Variants in NDUFB10 observed in about 807,000 individuals in gnomAD.
The protein encoded by NDUFB10 is NADH:ubiquinone oxidoreductase subunit B10, also known as NADH dehydrogenase [ubiquinone] 1 beta subcomplex subunit 10.
In NDUFB10, 23 loss-of-function variants were observed where a neutral mutation model predicts 19.0. The observed-to-expected ratio is 1.21, with a 90% CI of 0.87 to 1.71. The LOEUF (loss-of-function observed/expected upper bound fraction) is 1.71. NDUFB10 is among the 40% of genes most tolerant of loss of function. NDUFB10 has a pLI of 0.00. For synonymous variants in NDUFB10, 104 were observed against 81.8 expected (o/e 1.27, Z -1.46); for missense variants, 312 against 230.6 (o/e 1.35, Z -2.29).
At chr16:1,960,443 G>A (rs958624713) in intron 1 of NDUFB10, among the ~76,000 whole-genome samples, 3 of 152,240 alleles carry the variant, frequency 2.0e-5, no homozygotes, top group East Asian at 3.9e-4. Context: ...GGCTGGTCTC[G>A]AACTCCTGAC....
Position 1,961,586 on chromosome 16 carries a change from T to A in NDUFB10, c.359T>A (p.Ile120Asn), listed in dbSNP as rs531834533. Reference protein sequence around the residue: ...REGQNYQQNCIKEVEQFTQVA... With the variant: ...REGQNYQQNCNKEVEQFTQVA... ...GGACAGAACTACCAGCAGAACTGTA[T>A]CAAGGAAGTGGAGCAGTTCACCCAG... Residue 120 changes from isoleucine (I) to asparagine (N), a missense_variant, in exon 3 of 4, where the codon ATC becomes AAC. Physicochemically the swap from Ile to Asn is moderately radical, Grantham distance 149 (BLOSUM62 -3). Coordinates refer to ENST00000268668, the MANE Select transcript of NDUFB10 (RefSeq NM_004548.3). 6.2e-6 allele frequency: 10 copies of A among 1,613,922 alleles called. No homozygotes were observed. Among genetic ancestry groups the A allele is most frequent in the Non-Finnish European group, 8.5e-6 (10 of 1,180,024 alleles).
Position 1,961,629 on chromosome 16 carries a change from G to A in NDUFB10, c.402G>A (p.Gln134=), listed in dbSNP as rs747141320. The change falls in exon 3 of 4, where the codon CAG becomes CAA. Residue 134 remains glutamine, a synonymous_variant. Coordinates refer to ENST00000268668, the MANE Select transcript of NDUFB10 (RefSeq NM_004548.3). ...EQFTQVAKAY[Q]DRYQDLGAYS... ...TCACCCAGGTGGCCAAGGCCTACCA[G>A]GACCGCTGTGCGTGCCCCACCCACC... 11 of 1,611,806 alleles carry A rather than the reference G, an allele frequency of 6.8e-6. No individual in the cohort carries two copies. Among genetic ancestry groups the A allele is most frequent in the Non-Finnish European group, 9.3e-6 (11 of 1,179,624 alleles).
At position 1,961,827 on chromosome 16, in the gene NDUFB10, G is replaced by C. The variant is rs756074623; in HGVS notation, c.440G>C (p.Arg147Thr). 1 of 1,560,806 alleles carries C rather than the reference G, an allele frequency of 6.4e-7. No homozygotes were observed. Among genetic ancestry groups the C allele is most frequent in the Non-Finnish European group, 8.7e-7 (1 of 1,151,824 alleles). The stretch of plus-strand genomic sequence containing the variant: ...GACCTGGGGGCCTACAGTTCTGCCA[G>C]GAAGTGCCTGGCCAAACAGAGGCAG... ...YQDLGAYSSARKCLAKQRQRM... is the reference protein window; with the variant it reads ...YQDLGAYSSATKCLAKQRQRM... The change falls in exon 4 of 4, where the codon AGG (arginine) becomes ACG (threonine). Residue 147 changes from arginine (R) to threonine (T), a missense_variant. By Grantham distance (71) the Arg-to-Thr change is moderately conservative. Transcript: ENST00000268668.
At chr16:1,961,441 G>A (rs1164723490) in intron 2 of NDUFB10, 56 bp from the exon 3 acceptor site, 1 of 1,604,854 alleles carries the variant, frequency 6.2e-7, no homozygotes, top group Non-Finnish European at 8.5e-7. Flanking sequence ...TGTTCTCACA[G>A]GGTACAGGAA....
rs141308307 is a variant in NDUFB10, at chr16:1,960,066, C to T, written c.130+312C>T. Among the ~76,000 whole-genome samples the T allele has an allele frequency of 8.7e-3, 1,318 of 152,136 alleles. 24 individuals are homozygous for T. Among genetic ancestry groups the T allele is most frequent in the African/African-American group, 0.03 (1,249 of 41,498 alleles). ...TGCCCCAGGACCCCGCACTGCTCTC[C>T]GCCCCCCGCCGCCCCGGGCACCCCT... On this transcript the variant is annotated intron_variant, in intron 1 of 3. Coordinates refer to ENST00000268668, the MANE Select transcript of NDUFB10 (RefSeq NM_004548.3).
In NDUFB10 at chr16:1,961,528, C is replaced by T. The variant is rs780340220; in HGVS notation, c.301C>T (p.Gln101Ter). 3 of 1,614,066 alleles carry T rather than the reference C, an allele frequency of 1.9e-6. No homozygotes were observed. Among genetic ancestry groups the T allele is most frequent in the South Asian group, 2.2e-5 (2 of 91,088 alleles). The change falls in exon 3 of 4, where the codon CAG becomes TAG. Residue 101 changes from glutamine (Q) to a stop codon, truncating the protein, a stop_gained. Coordinates refer to ENST00000268668, the MANE Select transcript of NDUFB10 (RefSeq NM_004548.3). LOFTEE classifies it high-confidence loss of function. ...CGACCAAGAAATTATCAACATTATG[C>T]AGGATCGGCTCAAAGCCTGTCAGCA... ...KVDQEIINIM[Q>*]DRLKACQQRE...
chr16:1,961,046 C>CT (rs1334505877), intron 1 of NDUFB10, 107 bp from the exon 2 acceptor site: 1 of 1,364,560 alleles, frequency 7.3e-7, no homozygotes, highest in African/African-American at 1.5e-5. Context: ...CGCTGGAACA[C>CT]TCAGGAAGTT....
Position 1,961,535 on chromosome 16 carries a change from G to A in NDUFB10, c.308G>A (p.Arg103Gln), listed in dbSNP as rs370426632. 3.1e-5 allele frequency: 50 copies of A among 1,613,900 alleles called. No homozygotes were observed. The highest frequency in any genetic ancestry group is 1.8e-4 in the East Asian group (8 of 44,892). Residue 103 changes from arginine (R) to glutamine (Q), a missense_variant, in exon 3 of 4, where the codon CGG becomes CAG. Coordinates refer to ENST00000268668, the MANE Select transcript of NDUFB10 (RefSeq NM_004548.3). The stretch of plus-strand genomic sequence containing the variant: ...GAAATTATCAACATTATGCAGGATC[G>A]GCTCAAAGCCTGTCAGCAGAGGGAA... ...DQEIINIMQD[R>Q]LKACQQREGQ...
At chr16:1,961,069 C>T in intron 1 of NDUFB10, 84 bp from the exon 2 acceptor site, 1 of 1,520,588 alleles carries the variant, frequency 6.6e-7, no homozygotes, top group Non-Finnish European at 8.9e-7. Flanking sequence ...CCTCTCTCCC[C>T]TCCAAAGGGC....
chr16:1,961,707 T>C (rs897346879), intron 3 of NDUFB10, 71 bp downstream of exon 3: 2 of 1,290,470 alleles, frequency 1.5e-6, no homozygotes, highest in African/African-American at 3.2e-5. Flanking sequence ...ATTGCAAATC[T>C]TCCCTCCCCT....
Position 1,961,256 on chromosome 16 carries a change from C to T in NDUFB10, c.234C>T (p.Cys78=), listed in dbSNP as rs1708484324. 6.2e-7 allele frequency: 1 copy of T among 1,613,896 alleles called. No homozygotes were observed. Among genetic ancestry groups the T allele is most frequent in the Admixed American group, 1.7e-5 (1 of 60,006 alleles). ...AGTGCAAGGAGGAGGACATCATGTG[C>T]ATGTATGAAGCCGAAATGCAGTGGA... is the stretch of plus-strand genomic sequence containing the variant. ...ITECKEEDIM[C]MYEAEMQWKR... The change falls in exon 2 of 4, where the codon TGC becomes TGT. Residue 78 remains cysteine, a synonymous_variant. Coordinates refer to ENST00000268668, the MANE Select transcript of NDUFB10 (RefSeq NM_004548.3).
At position 1,961,543 on chromosome 16, in the gene NDUFB10, G is replaced by C. The variant is rs986922719; in HGVS notation, c.316G>C (p.Ala106Pro). Residue 106 changes from alanine to proline, a missense_variant, in exon 3 of 4, where the codon GCC becomes CCC. Transcript: ENST00000268668. ...CAACATTATGCAGGATCGGCTCAAAGCCTGTCAGCAGAGGGAAGGACAGAA... is the reference window on the plus strand; with the variant it reads ...CAACATTATGCAGGATCGGCTCAAACCCTGTCAGCAGAGGGAAGGACAGAA... The part of the protein sequence containing the change: ...IINIMQDRLK[A>P]CQQREGQNYQ... 1.9e-6 allele frequency: 3 copies of C among 1,614,108 alleles called. No homozygotes were observed. The highest frequency in any genetic ancestry group is 2.5e-6 in the Non-Finnish European group (3 of 1,180,040).
Position 1,961,009 on chromosome 16 carries a change from TAGAG to T in NDUFB10, c.131-140_131-137del, listed in dbSNP as rs1010327629. 7 of 1,039,310 alleles carry T rather than the reference TAGAG, an allele frequency of 6.7e-6. No individual in the cohort carries two copies. In the East Asian group the frequency reaches 7.7e-5, roughly 11 times the overall value. The allele number at this position is 1,039,310 out of a possible 1,614,324, so 64.4% of individuals were successfully genotyped here. On this transcript the variant is annotated intron_variant, in intron 1 of 3. Coordinates refer to ENST00000268668, the MANE Select transcript of NDUFB10 (RefSeq NM_004548.3). ...GGCCTGCCTGGCTGGCCACATCCCT[TAGAG>T]AGACGAATTGCTGTTTTCTAAACGC...
At chr16:1,960,823 G>A (rs2083248839) in intron 1 of NDUFB10, among the ~76,000 whole-genome samples, 1 of 152,240 alleles carries the variant, frequency 6.6e-6, no homozygotes, top group African/African-American at 2.4e-5. Context: ...GTGCAGCTGG[G>A]GGAGGTGCAC....
At position 1,961,865 on chromosome 16, in the gene NDUFB10, G is replaced by C. The variant is rs1008419869; in HGVS notation, c.478G>C (p.Glu160Gln). The stretch of plus-strand genomic sequence containing the variant: ...CAAACAGAGGCAGAGGATGCTGCAA[G>C]AGAGAAAAGCTGCAAAAGAGGCCGC... The part of the protein sequence containing the change: ...LAKQRQRMLQ[E>Q]RKAAKEAAAA... The change falls in exon 4 of 4, where the codon GAG becomes CAG. Residue 160 changes from glutamate to glutamine, a missense_variant. Physicochemically the swap from Glu to Gln is conservative, Grantham distance 29. Transcript: ENST00000268668. 4 of 1,566,068 alleles carry C rather than the reference G, an allele frequency of 2.6e-6. No individual in the cohort carries two copies. The highest frequency in any genetic ancestry group is 1.2e-5 in the South Asian group (1 of 85,226).
chr16:1,961,708 T>TCCCTC (rs1193530626), intron 3 of NDUFB10, 72 bp downstream of exon 3: 5 of 1,407,788 alleles, frequency 3.6e-6, no homozygotes, highest in East Asian at 3.2e-5. Flanking sequence ...TTGCAAATCT[T>TCCCTC]CCCTCCCCTC....
chr16:1,961,028 T>TCCAG, intron 1 of NDUFB10, 125 bp from the exon 2 acceptor site: 1 of 1,238,416 alleles, frequency 8.1e-7, no homozygotes. Context: ...GAATTGCTGT[T>TCCAG]TTCTAAACGC....
At position 1,961,777 on chromosome 16, in the gene NDUFB10, T is replaced by C. The variant is rs766973448; in HGVS notation, c.410-20T>C. The C allele has an allele frequency of 2.9e-5, 45 of 1,549,806 alleles. No homozygotes were observed. Among genetic ancestry groups the C allele is most frequent in the Non-Finnish European group, 3.6e-5 (41 of 1,145,286 alleles). ...GTAGCAGAGGCCTCGGTTCCCAGCT[T>C]GTTTCCATTGCTTCCCCAGATCAGG... On this transcript the variant is annotated intron_variant, in intron 3 of 3. Coordinates refer to ENST00000268668, the MANE Select transcript of NDUFB10 (RefSeq NM_004548.3).
intron 2 of NDUFB10, 100 bp from the exon 3 acceptor site, chr16:1,961,397 G>T: frequency 6.3e-7 from 1 of 1,594,224 alleles, no homozygotes; most frequent in Non-Finnish European, 8.6e-7. Context: ...GGGTGACATG[G>T]GAGGAGCCAG....
Sources: gnomAD v4.1 joint callset for allele counts (sites outside exome capture counted in the v4.1 genomes callset) on GRCh38, gnomAD v4.1.1 for gene constraint, MANE v1.5 for transcripts, NCBI Gene and HGNC (gene_info 2026-07-23, HGNC 2026-07-21) for gene names.